Variants in SLC38A9 observed in about 807,000 individuals in gnomAD.
SLC38A9 encodes neutral amino acid transporter 9.
In SLC38A9, 48 loss-of-function variants were observed where a neutral mutation model predicts 62.3. The ratio of observed to expected loss-of-function variants is 0.77; its 90% CI spans 0.61 to 0.98. The LOEUF is 0.98. SLC38A9 is among the 50% of genes least tolerant of loss of function. SLC38A9 has a pLI of 0.00. For missense variants in SLC38A9, 541 were observed against 679.8 expected, an observed-to-expected ratio of 0.80 and a Z score of 2.27; for synonymous variants, 204 against 227.7, an observed-to-expected ratio of 0.90 and a Z score of 0.94.
chr5:55,673,675 T>C (rs1056627039), intron 3 of SLC38A9, among the ~76,000 whole-genome samples: 4 of 151,806 alleles, frequency 2.6e-5, no homozygotes, highest in Non-Finnish European at 4.4e-5. Flanking sequence ...TAGTAACATA[T>C]GGTAACCATT....
At chr5:55,652,746 T>A in intron 9 of SLC38A9, 23 bp from the exon 10 acceptor site, 2 of 1,568,846 alleles carry the variant, frequency 1.3e-6, no homozygotes, top group Non-Finnish European at 1.7e-6. Context: ...AGCACCAGAT[T>A]AAAGAAGATG....
chr5:55,677,684 A>T (rs945135759), intron 3 of SLC38A9, among the ~76,000 whole-genome samples: 2 of 150,226 alleles, frequency 1.3e-5, no homozygotes, highest in Non-Finnish European at 3.0e-5. Flanking sequence ...GGTGTGCACC[A>T]CCGTGCCCAG....
chr5:55,687,333 A>T lies in SLC38A9; in HGVS notation c.113+10513T>A, dbSNP rs1057010433. 4.0e-4 allele frequency among the ~76,000 whole-genome samples: 58 copies of T among 145,446 alleles called. 1 individual carries two copies. Among genetic ancestry groups the T allele is most frequent in the African/African-American group, 1.3e-3 (53 of 39,400 alleles). On this transcript the variant is annotated intron_variant, in intron 3 of 15. Coordinates refer to ENST00000396865, the MANE Select transcript of SLC38A9 (RefSeq NM_173514.4). ...TCCCAGCTACTCGGGAGGCTGAGGC[A>T]GGAGAATGGCGTGAACCCGGAAGGC...
chr5:55,693,956 C>T (rs1282317993), intron 3 of SLC38A9: 1 of 152,860 alleles, frequency 6.5e-6, no homozygotes, highest in Non-Finnish European at 1.5e-5. Context: ...GTCCCAGCTA[C>T]TTGGGAGGCT....
intron 12 of SLC38A9, among the ~76,000 whole-genome samples, chr5:55,642,352 G>C (rs1745580112): frequency 6.6e-6 from 1 of 152,144 alleles, no homozygotes; most frequent in African/African-American, 2.4e-5. Flanking sequence ...GCCTGAGACT[G>C]TTTTCTAGTA....
chr5:55,683,260 G>A (rs1331060923), intron 3 of SLC38A9, among the ~76,000 whole-genome samples: 3 of 152,124 alleles, frequency 2.0e-5, no homozygotes, highest in Non-Finnish European at 4.4e-5. Flanking sequence ...TGTCCAGGTT[G>A]GAGTGCAGTG....
chr5:55,697,654 GAAA>G (rs3042033), intron 3 of SLC38A9, among the ~76,000 whole-genome samples, 189 bp downstream of exon 3: 5,272 of 131,226 alleles, frequency 0.04, 218 homozygotes, highest in African/African-American at 0.11. Flanking sequence ...TGAGTTTAGT[GAAA>G]AAAAAAAAAA....
chr5:55,666,764 A>G (rs1750528288), intron 7 of SLC38A9, among the ~76,000 whole-genome samples: 1 of 152,180 alleles, frequency 6.6e-6, no homozygotes, highest in Admixed American at 6.5e-5. Context: ...ACAGTGGCTC[A>G]CGCCTGTAAT....
Position 55,695,408 on chromosome 5 carries a change from C to T in SLC38A9, c.113+2438G>A, listed in dbSNP as rs528140777. 1.1e-4 allele frequency among the ~76,000 whole-genome samples: 10 copies of T among 88,690 alleles called. 3 individuals are homozygous for T. Among genetic ancestry groups the T allele is most frequent in the Non-Finnish European group, 2.5e-4 (9 of 36,238 alleles). 58.2% of individuals were successfully genotyped at this position (88,690 alleles called of 152,430 possible). ...TCTCTGGTTTTCCTAGGCAGAGGAC[C>T]CTGCGGCCTTCTGCAGCGGTTGTGT... On this transcript the variant is annotated intron_variant, in intron 3 of 15. Transcript: ENST00000396865.
chr5:55,705,898 C>A (rs571274291), intron 2 of SLC38A9, among the ~76,000 whole-genome samples: 1 of 151,922 alleles, frequency 6.6e-6, no homozygotes, highest in African/African-American at 2.4e-5. Flanking sequence ...TTAGTAGAGA[C>A]GGGGTTTCAC....
Position 55,664,867 on chromosome 5 carries a change from G to A in SLC38A9, c.527-4C>T, listed in dbSNP as rs765192231. 2 of 1,506,208 alleles carry A rather than the reference G, an allele frequency of 1.3e-6. No individual in the cohort carries two copies. The highest frequency in any genetic ancestry group is 2.6e-5 in the South Asian group (2 of 75,834). The allele number at this position is 1,506,208 out of a possible 1,614,324, so 93.3% of individuals were successfully genotyped here. On this transcript the variant is annotated splice_polypyrimidine_tract_variant and splice_region_variant and intron_variant, in intron 7 of 15. Transcript: ENST00000396865. ...CAGCTAGTGGTATCCAACGAAACTAGATAAAATAAGAGAAAGAATAAAACT... is the reference window on the plus strand; with the variant it reads ...CAGCTAGTGGTATCCAACGAAACTAAATAAAATAAGAGAAAGAATAAAACT...
At chr5:55,694,183 G>T in intron 3 of SLC38A9, 1 of 226,828 alleles carries the variant, frequency 4.4e-6, no homozygotes, top group Non-Finnish European at 9.1e-6. Flanking sequence ...ACTCCAGTGT[G>T]GGCTACAGAG....
At position 55,626,635 on chromosome 5, in the gene SLC38A9, C is replaced by A; in HGVS notation, c.1545G>T (p.Leu515=). 1.2e-6 allele frequency: 2 copies of A among 1,609,710 alleles called. No homozygotes were observed. Among genetic ancestry groups the A allele is most frequent in the Non-Finnish European group, 1.7e-6 (2 of 1,178,258 alleles). ...IIRYSGAACG[L]AFVFIYPSLI... is the part of the protein sequence containing the mutation. ...GAGATGGGTATATGAATACAAAGGC[C>A]AGTCCACATGCTGCTCCTGAATATC... is the stretch of plus-strand genomic sequence containing the variant. The change falls in exon 16 of 16, where the codon CTG becomes CTT. Residue 515 remains leucine (L), a synonymous_variant. Transcript: ENST00000396865.
chr5:55,641,732 C>T (rs1745472356), intron 12 of SLC38A9, among the ~76,000 whole-genome samples: 1 of 152,210 alleles, frequency 6.6e-6, no homozygotes, highest in Non-Finnish European at 1.5e-5. Context: ...ATCTGCTTTG[C>T]AGACTGTACA....
chr5:55,682,818 C>G (rs1330692092), intron 3 of SLC38A9, among the ~76,000 whole-genome samples: 1 of 152,132 alleles, frequency 6.6e-6, no homozygotes, highest in Non-Finnish European at 1.5e-5. Context: ...ATTTAGCACC[C>G]CTTATTTTTT....
intron 2 of SLC38A9, among the ~76,000 whole-genome samples, chr5:55,704,705 C>A (rs1757077224): frequency 6.6e-6 from 1 of 152,196 alleles, no homozygotes; most frequent in Admixed American, 6.5e-5. Flanking sequence ...GAAAGAACTG[C>A]AAGGCATTAA....
chr5:55,639,320 C>T (rs1745021464), intron 12 of SLC38A9, among the ~76,000 whole-genome samples: 1 of 141,304 alleles, frequency 7.1e-6, no homozygotes, highest in African/African-American at 2.6e-5. Flanking sequence ...CCCATTTACA[C>T]ATATAACAAA....
At chr5:55,690,897 C>A (rs913715722) in intron 3 of SLC38A9, among the ~76,000 whole-genome samples, 4 of 152,202 alleles carry the variant, frequency 2.6e-5, no homozygotes, top group Non-Finnish European at 5.9e-5. Context: ...TTTATTCTCT[C>A]AAATTCTTTG....
intron 2 of SLC38A9, among the ~76,000 whole-genome samples, chr5:55,710,512 C>A (rs932969463): frequency 6.6e-5 from 10 of 152,224 alleles, no homozygotes; most frequent in South Asian, 2.1e-4. Context: ...ATCCGCCGAA[C>A]CTTCTATCTT....
Sources: gnomAD v4.1 joint callset for allele counts (sites outside exome capture counted in the v4.1 genomes callset) on GRCh38, gnomAD v4.1.1 for gene constraint, MANE v1.5 for transcripts, NCBI Gene and HGNC (gene_info 2026-07-23, HGNC 2026-07-21) for gene names.